The following KCNIP4 variants were observed in gnomAD, a reference collection of about 807,000 sequenced individuals.
KCNIP4 encodes Kv channel-interacting protein 4.
A neutral mutation model predicts 34.0 loss-of-function variants in KCNIP4; 12 were observed. That is an observed-to-expected ratio of 0.35 (90% CI 0.23 to 0.57). The LOEUF (loss-of-function observed/expected upper bound fraction) is 0.57. Among genes scored for constraint, KCNIP4 ranks in the 20% least tolerant of loss-of-function variants. The pLI is 0.83. For missense variants in KCNIP4, 238 were observed against 311.7 expected (o/e 0.76, Z 1.78); for synonymous variants, 124 against 102.2 (o/e 1.21, Z -1.29).
chr4:20,826,210 T>C (rs1233825571), intron 3 of KCNIP4, among the ~76,000 whole-genome samples: 1 of 152,126 alleles, frequency 6.6e-6, no homozygotes, highest in African/African-American at 2.4e-5. Context: ...GGTCATACTT[T>C]GGGACCAGGA....
At chr4:21,076,859 G>A (rs9999368) in intron 1 of KCNIP4, among the ~76,000 whole-genome samples, 3,549 of 152,168 alleles carry the variant, frequency 0.023, 127 homozygotes, top group African/African-American at 0.08. Context: ...GCAGTGGCTA[G>A]TGCTTGTAAT....
chr4:21,710,638 G>C (rs1363741384), intron 1 of KCNIP4, among the ~76,000 whole-genome samples: 2 of 152,182 alleles, frequency 1.3e-5, no homozygotes, highest in Non-Finnish European at 2.9e-5. Flanking sequence ...GTGCCTGGAA[G>C]AGGAGGCAGT....
At chr4:21,632,049 A>G (rs1745799944) in intron 1 of KCNIP4, among the ~76,000 whole-genome samples, 1 of 152,102 alleles carries the variant, frequency 6.6e-6, no homozygotes, top group Admixed American at 6.6e-5. Context: ...GCTTTTAATT[A>G]TTTGAGGACA....
intron 1 of KCNIP4, among the ~76,000 whole-genome samples, chr4:21,621,056 A>T (rs1276779868): frequency 6.6e-6 from 1 of 152,230 alleles, no homozygotes; most frequent in African/African-American, 2.4e-5. Context: ...AACTCACAGC[A>T]TTAAACCAGA....
At chr4:21,100,169 A>C (rs530349492) in intron 1 of KCNIP4, among the ~76,000 whole-genome samples, 1 of 152,304 alleles carries the variant, frequency 6.6e-6, no homozygotes, top group African/African-American at 2.4e-5. Flanking sequence ...TTGCAAGTAA[A>C]ATGTTATCAG....
At chr4:21,533,709 TA>T (rs201426087) in intron 1 of KCNIP4, among the ~76,000 whole-genome samples, 1 of 152,300 alleles carries the variant, frequency 6.6e-6, no homozygotes, top group East Asian at 1.9e-4. Flanking sequence ...GTATTTTACT[TA>T]TTCCTTCTCA....
intron 1 of KCNIP4, among the ~76,000 whole-genome samples, chr4:21,870,856 G>A (rs952773273): frequency 6.6e-6 from 1 of 151,990 alleles, no homozygotes; most frequent in Non-Finnish European, 1.5e-5. Context: ...TTTGTTGTCA[G>A]GATTAAACAA....
intron 1 of KCNIP4, among the ~76,000 whole-genome samples, chr4:21,490,536 C>T (rs905886908): frequency 3.4e-4 from 51 of 152,106 alleles, no homozygotes; most frequent in African/African-American, 1.2e-3. Flanking sequence ...AAACACATTA[C>T]ATATGTAATT....
chr4:21,905,656 C>T (rs1025608815), intron 1 of KCNIP4, among the ~76,000 whole-genome samples: 11 of 152,230 alleles, frequency 7.2e-5, no homozygotes, highest in South Asian at 2.1e-4. Flanking sequence ...TCACTTCCTT[C>T]GGGCTCTCCT....
intron 1 of KCNIP4, among the ~76,000 whole-genome samples, chr4:21,664,743 C>G (rs1466026236): frequency 6.6e-6 from 1 of 152,144 alleles, no homozygotes; most frequent in African/African-American, 2.4e-5. Context: ...CCTGTTCCTT[C>G]ATCTCACCAT....
chr4:21,513,087 A>G (rs1356106988), intron 1 of KCNIP4, among the ~76,000 whole-genome samples: 1 of 152,200 alleles, frequency 6.6e-6, no homozygotes, highest in African/African-American at 2.4e-5. Context: ...CTCACCTGAT[A>G]CCACTATGTT....
chr4:21,041,197 G>A (rs1009044769), intron 1 of KCNIP4, among the ~76,000 whole-genome samples: 1 of 151,598 alleles, frequency 6.6e-6, no homozygotes, highest in African/African-American at 2.4e-5. Context: ...ATGTGGTAGA[G>A]ATACAGTTGG....
At chr4:21,125,679 T>A (rs900225998) in intron 1 of KCNIP4, among the ~76,000 whole-genome samples, 2 of 152,140 alleles carry the variant, frequency 1.3e-5, no homozygotes, top group African/African-American at 4.8e-5. Flanking sequence ...AGCTAAAGGA[T>A]GGCAATGAGA....
At chr4:20,841,221 C>T (rs1250382024) in intron 3 of KCNIP4, among the ~76,000 whole-genome samples, 1 of 152,148 alleles carries the variant, frequency 6.6e-6, no homozygotes, top group Non-Finnish European at 1.5e-5. Context: ...TTTTATTGGG[C>T]TGGCCTCCAA....
rs113648069 is a variant in KCNIP4, at chr4:21,565,903, T to G, written c.61+382668A>C. On this transcript the variant is annotated intron_variant, in intron 1 of 8. Coordinates refer to ENST00000382152, the MANE Select transcript of KCNIP4 (RefSeq NM_025221.6). ...AATCAAAGAAAGCTTTAAAGAGAAGTGATGTTTCAAGCAGCTCTGGATATC... is the reference window on the plus strand; with the variant it reads ...AATCAAAGAAAGCTTTAAAGAGAAGGGATGTTTCAAGCAGCTCTGGATATC... 6.6e-5 allele frequency among the ~76,000 whole-genome samples: 10 copies of G among 152,112 alleles called. 1 individual carries two copies. Among genetic ancestry groups the G allele is most frequent in the African/African-American group, 2.4e-4 (10 of 41,474 alleles).
At chr4:21,453,344 C>G (rs925401803) in intron 1 of KCNIP4, among the ~76,000 whole-genome samples, 3 of 151,986 alleles carry the variant, frequency 2.0e-5, no homozygotes, top group Non-Finnish European at 1.5e-5. Context: ...GGTCTTGTAC[C>G]TAGTGAACAT....
At chr4:21,275,023 A>G (rs1762358664) in intron 1 of KCNIP4, among the ~76,000 whole-genome samples, 1 of 152,164 alleles carries the variant, frequency 6.6e-6, no homozygotes, top group South Asian at 2.1e-4. Context: ...CATTACTCAA[A>G]TATAGCTAAT....
At chr4:20,809,495 A>G (rs544219542) in intron 3 of KCNIP4, among the ~76,000 whole-genome samples, 3 of 152,148 alleles carry the variant, frequency 2.0e-5, no homozygotes, top group Admixed American at 2.0e-4. Context: ...CTCTGCCTAG[A>G]TGTGGAATTC....
At chr4:21,285,245 T>C (rs189222224) in intron 1 of KCNIP4, among the ~76,000 whole-genome samples, 2 of 152,324 alleles carry the variant, frequency 1.3e-5, no homozygotes, top group Admixed American at 1.3e-4. Context: ...GGAGGTTGCT[T>C]GAAAAGGTCT....
Sources: allele counts gnomAD v4.1 joint callset (sites outside exome capture counted in the v4.1 genomes callset), GRCh38; gene constraint gnomAD v4.1.1; transcripts MANE v1.5; gene names NCBI Gene and HGNC (gene_info 2026-07-23, HGNC 2026-07-21).